The following RDH10 variants were observed in gnomAD, a reference collection of about 807,000 sequenced individuals.
The protein encoded by RDH10 is retinol dehydrogenase 10 (all-trans).
A neutral mutation model predicts 30.2 loss-of-function variants in RDH10; 12 were observed. The ratio of observed to expected loss-of-function variants is 0.40; its 90% CI spans 0.25 to 0.64. The LOEUF (loss-of-function observed/expected upper bound fraction) is 0.64. RDH10 is among the 30% of genes least tolerant of loss of function. The probability of loss-of-function intolerance (pLI) is 0.43; values close to 1 mark genes in which losing one functional copy is unlikely to be tolerated. For synonymous variants in RDH10, 189 were observed against 172.2 expected (o/e 1.10, Z -0.76); for missense variants, 268 against 445.2 (o/e 0.60, Z 3.58).
At chr8:73,310,611 C>G (rs1360630122) in intron 2 of RDH10, among the ~76,000 whole-genome samples, 2 of 152,218 alleles carry the variant, frequency 1.3e-5, no homozygotes, top group Non-Finnish European at 2.9e-5. Flanking sequence ...ATTACAATTT[C>G]TGAGAAGCAG....
intron 2 of RDH10, chr8:73,310,996 A>C (rs1026813634): frequency 2.0e-5 from 3 of 152,104 alleles, no homozygotes; most frequent in African/African-American, 7.2e-5. Flanking sequence ...ATACTCAATG[A>C]GATATTTTTG....
At chr8:73,315,496 C>A in intron 2 of RDH10, 2 of 411,830 alleles carry the variant, frequency 4.9e-6, no homozygotes, top group South Asian at 1.7e-5. Context: ...GGATATTAAT[C>A]AGTTTCAGAA....
At chr8:73,319,298 TG>T (rs1814725518) in intron 3 of RDH10, 104 bp downstream of exon 3, 8 of 762,862 alleles carry the variant, frequency 1.0e-5, no homozygotes. Context: ...TCATGAAAGC[TG>T]CACGAAGGCA....
chr8:73,306,021 C>G (rs1469649727), intron 2 of RDH10, among the ~76,000 whole-genome samples: 1 of 152,178 alleles, frequency 6.6e-6, no homozygotes, highest in African/African-American at 2.4e-5. Flanking sequence ...GGCTGAGACC[C>G]CATATAGACA....
chr8:73,321,278 A>G (rs1814766550), intron 4 of RDH10, among the ~76,000 whole-genome samples: 1 of 152,244 alleles, frequency 6.6e-6, no homozygotes, highest in African/African-American at 2.4e-5. Context: ...ACTAATTTGC[A>G]GAAATTAATC....
At chr8:73,314,410 A>G (rs1257780461) in intron 2 of RDH10, among the ~76,000 whole-genome samples, 1 of 152,224 alleles carries the variant, frequency 6.6e-6, no homozygotes, top group African/African-American at 2.4e-5. Flanking sequence ...TGTTGATCAA[A>G]GTTTATTTAA....
At chr8:73,308,411 G>A (rs1346380958) in intron 2 of RDH10, among the ~76,000 whole-genome samples, 1 of 152,130 alleles carries the variant, frequency 6.6e-6, no homozygotes, top group African/African-American at 2.4e-5. Context: ...CTATAAAGGG[G>A]TAATTATTCC....
intron 2 of RDH10, among the ~76,000 whole-genome samples, chr8:73,310,284 A>C (rs1264385835): frequency 6.6e-6 from 1 of 152,270 alleles, no homozygotes; most frequent in Non-Finnish European, 1.5e-5. Context: ...TGCATGTTTA[A>C]AAACAGAATA....
intron 2 of RDH10, among the ~76,000 whole-genome samples, chr8:73,316,050 T>C (rs779829812): frequency 2.0e-5 from 3 of 152,216 alleles, no homozygotes; most frequent in Non-Finnish European, 4.4e-5. Context: ...AGGGTCTCGC[T>C]CTGTCGCCTA....
At chr8:73,300,363 G>GTCCTCTTA in intron 2 of RDH10, 1 of 152,288 alleles carries the variant, frequency 6.6e-6, no homozygotes, top group Admixed American at 6.5e-5. Context: ...CCTTCCAGTA[G>GTCCTCTTA]TCCTCTTATG....
Position 73,295,544 on chromosome 8 carries a change from C to T in RDH10, c.255C>T (p.Arg85=). The change falls in exon 1 of 6, where the codon CGC becomes CGT. Residue 85 remains arginine (R), a synonymous_variant. Coordinates refer to ENST00000240285, the MANE Select transcript of RDH10 (RefSeq NM_172037.5). Reference sequence around the variant, plus strand: ...CTGGCATGGTGCGCCACATCTACCGCGACCTGGAGGCGGCCGACGCCGCTG... The same window carrying T: ...CTGGCATGGTGCGCCACATCTACCGTGACCTGGAGGCGGCCGACGCCGCTG... ...ETAGMVRHIY[R]DLEAADAAAL... is the part of the protein sequence containing the mutation. 6.5e-7 allele frequency: 1 copy of T among 1,547,352 alleles called. No individual in the cohort carries two copies. The highest frequency in any genetic ancestry group is 8.7e-7 in the Non-Finnish European group (1 of 1,147,802).
At chr8:73,308,539 C>CT in intron 2 of RDH10, among the ~76,000 whole-genome samples, 1 of 152,166 alleles carries the variant, frequency 6.6e-6, no homozygotes, top group East Asian at 1.9e-4. Flanking sequence ...TCTACAGTCC[C>CT]TGTCTTGAAA....
At chr8:73,317,710 C>G (rs1814697650) in intron 2 of RDH10, among the ~76,000 whole-genome samples, 1 of 152,110 alleles carries the variant, frequency 6.6e-6, no homozygotes, top group Admixed American at 6.6e-5. Flanking sequence ...CACTTGAGCC[C>G]AGGAGTTCAA....
chr8:73,304,116 A>G (rs2130361956), intron 2 of RDH10, among the ~76,000 whole-genome samples: 1 of 152,292 alleles, frequency 6.6e-6, no homozygotes, highest in South Asian at 2.1e-4. Context: ...TTTAGCTTCC[A>G]TGATAAGCCC....
intron 4 of RDH10, chr8:73,321,982 T>G: frequency 2.2e-6 from 1 of 455,946 alleles, no homozygotes; most frequent in South Asian, 1.5e-5. Flanking sequence ...GTTGGTGGTT[T>G]GTTTTGTTTT....
chr8:73,312,342 A>G (rs2130371076), intron 2 of RDH10: 1 of 152,364 alleles, frequency 6.6e-6, no homozygotes, highest in East Asian at 1.9e-4. Flanking sequence ...AGGACAATGA[A>G]TAAAACATTG....
At chr8:73,314,911 T>C (rs1376718177) in intron 2 of RDH10, among the ~76,000 whole-genome samples, 1 of 152,158 alleles carries the variant, frequency 6.6e-6, no homozygotes, top group Non-Finnish European at 1.5e-5. Context: ...AGAAATCACA[T>C]GTTTTAAACT....
At chr8:73,303,930 C>T (rs1304255003) in intron 2 of RDH10, among the ~76,000 whole-genome samples, 1 of 152,182 alleles carries the variant, frequency 6.6e-6, no homozygotes, top group Non-Finnish European at 1.5e-5. Context: ...TCAATATGTT[C>T]TAATCTGTGT....
chr8:73,307,691 A>G (rs556056665), intron 2 of RDH10, among the ~76,000 whole-genome samples: 9 of 152,362 alleles, frequency 5.9e-5, no homozygotes, highest in African/African-American at 1.9e-4. Context: ...CTTCCAGGTT[A>G]GAGCCTGTAC....
Sources: allele counts gnomAD v4.1 joint callset (sites outside exome capture counted in the v4.1 genomes callset), GRCh38; gene constraint gnomAD v4.1.1; transcripts MANE v1.5; gene names NCBI Gene and HGNC (gene_info 2026-07-23, HGNC 2026-07-21).